TMEM156: variants seen among roughly 807,000 people sequenced by gnomAD.
TMEM156 encodes the protein transmembrane protein 156.
Under a neutral mutation model 30.5 loss-of-function variants are expected in TMEM156, and 28 were observed. That is an observed-to-expected ratio of 0.92 (90% CI 0.68 to 1.26). TMEM156 has a LOEUF of 1.26. Among genes scored for constraint, TMEM156 ranks in the 50% most tolerant of loss-of-function variants. The pLI is 0.00. For synonymous variants in TMEM156, 137 were observed against 119.9 expected (o/e 1.14, Z -0.93); for missense variants, 351 against 340.6 (o/e 1.03, Z -0.24).
chr4:38,967,692 T>G (rs1001036528), intron 6 of TMEM156, 51 bp from the exon 7 acceptor site: 1 of 152,258 alleles, frequency 6.6e-6, no homozygotes, highest in Non-Finnish European at 1.5e-5. Context: ...AAAATTTTGT[T>G]AAGTGTTACT....
chr4:39,022,217 T>C (rs1029527780), intron 1 of TMEM156, among the ~76,000 whole-genome samples: 3 of 152,366 alleles, frequency 2.0e-5, no homozygotes, highest in South Asian at 4.1e-4. Flanking sequence ...TATGGCCAAC[T>C]GTGTTTATAA....
rs1286389026 is a variant in TMEM156, at chr4:38,992,736, A to T, written c.619+1002T>A. On this transcript the variant is annotated intron_variant, in intron 3 of 6. Transcript: ENST00000381938. ...ATTATATATATATAATATATATATAATATATAATATATTATATATATATAT... is the reference window on the plus strand; with the variant it reads ...ATTATATATATATAATATATATATATTATATAATATATTATATATATATAT... 4.8e-4 allele frequency among the ~76,000 whole-genome samples: 26 copies of T among 54,576 alleles called. No homozygotes were observed. The East Asian group carries it at 0.011, about 23-fold the overall frequency. 35.8% of individuals were successfully genotyped at this position (54,576 alleles called of 152,430 possible).
At chr4:39,009,200 G>A (rs1187074753) in intron 1 of TMEM156, among the ~76,000 whole-genome samples, 1 of 151,922 alleles carries the variant, frequency 6.6e-6, no homozygotes, top group Non-Finnish European at 1.5e-5. Flanking sequence ...GAACCAGGAA[G>A]GAACAGAAAT....
intron 1 of TMEM156, among the ~76,000 whole-genome samples, chr4:39,006,597 G>A (rs942808150): frequency 4.6e-5 from 7 of 151,918 alleles, no homozygotes; most frequent in Non-Finnish European, 1.0e-4. Flanking sequence ...TGTTTTTAAA[G>A]TTTCGCCTTT....
At chr4:39,020,649 G>A (rs1490330771) in intron 1 of TMEM156, among the ~76,000 whole-genome samples, 10 of 151,868 alleles carry the variant, frequency 6.6e-5, no homozygotes, top group Non-Finnish European at 1.3e-4. Context: ...CCTCCCGTTC[G>A]AGCAATTCTC....
At chr4:39,029,481 G>T (rs1445036964) in intron 1 of TMEM156, among the ~76,000 whole-genome samples, 1 of 13,044 alleles carries the variant, frequency 7.7e-5, no homozygotes, top group Non-Finnish European at 1.3e-4. Flanking sequence ...TTGGGAGGCC[G>T]AGGCGGGCGG....
chr4:38,977,711 T>C (rs780523884), intron 5 of TMEM156, among the ~76,000 whole-genome samples: 18 of 152,236 alleles, frequency 1.2e-4, no homozygotes, highest in South Asian at 4.1e-4. Context: ...AAACAAACAT[T>C]TCTATGACTT....
At chr4:39,006,395 GAATT>G (rs1183156995) in intron 1 of TMEM156, among the ~76,000 whole-genome samples, 1 of 151,974 alleles carries the variant, frequency 6.6e-6, no homozygotes, top group Non-Finnish European at 1.5e-5. Context: ...AAATTTCAAT[GAATT>G]CTCTACATTT....
chr4:38,981,901 G>A (rs539792613), intron 5 of TMEM156, among the ~76,000 whole-genome samples: 3 of 152,300 alleles, frequency 2.0e-5, no homozygotes, highest in Admixed American at 6.5e-5. Flanking sequence ...TGGCTGACCC[G>A]TAGTCAGTAT....
intron 1 of TMEM156, among the ~76,000 whole-genome samples, chr4:39,004,586 T>C (rs1713598933): frequency 6.6e-6 from 1 of 152,126 alleles, no homozygotes; most frequent in Admixed American, 6.6e-5. Flanking sequence ...ATATGTATTC[T>C]GTGATTTGCT....
rs1715112583 is a variant in TMEM156 at position 39,025,077 on chromosome 4, G to A, written c.88+7149C>T. Among the ~76,000 whole-genome samples the A allele has an allele frequency of 2.0e-5, 3 of 152,142 alleles. No homozygotes were observed. In the South Asian group the frequency reaches 6.2e-4, roughly 32 times the overall value. ...TTAACAGTTGGAATAGGCCGGGTGCGGTGGCTCATGCCTGTAATCCCAGCA... is the reference window on the plus strand; with the variant it reads ...TTAACAGTTGGAATAGGCCGGGTGCAGTGGCTCATGCCTGTAATCCCAGCA... On this transcript the variant is annotated intron_variant, in intron 1 of 6. Coordinates refer to ENST00000381938, the MANE Select transcript of TMEM156 (RefSeq NM_024943.3).
chr4:39,029,225 TAA>T (rs1191773321), intron 1 of TMEM156, among the ~76,000 whole-genome samples: 2 of 151,910 alleles, frequency 1.3e-5, no homozygotes, highest in Non-Finnish European at 2.9e-5. Context: ...AATTTATAAG[TAA>T]AAATTATTTT....
chr4:39,005,651 G>T (rs1228204288), intron 1 of TMEM156, among the ~76,000 whole-genome samples: 1 of 152,130 alleles, frequency 6.6e-6, no homozygotes, highest in African/African-American at 2.4e-5. Flanking sequence ...AGGTACACTG[G>T]TGTGTACATT....
At chr4:38,969,951 T>G (rs1482875795) in intron 6 of TMEM156, among the ~76,000 whole-genome samples, 1 of 152,136 alleles carries the variant, frequency 6.6e-6, no homozygotes, top group Non-Finnish European at 1.5e-5. Context: ...GGAAGAGTAG[T>G]TCTATTTTAA....
At chr4:39,004,712 A>G (rs1337080251) in intron 1 of TMEM156, among the ~76,000 whole-genome samples, 1 of 152,170 alleles carries the variant, frequency 6.6e-6, no homozygotes, top group Non-Finnish European at 1.5e-5. Flanking sequence ...CTGACAGTGA[A>G]CATTTGTGTT....
chr4:38,978,566 C>T lies in TMEM156; in HGVS notation c.824-7429G>A, dbSNP rs142588067. On this transcript the variant is annotated intron_variant, in intron 5 of 6. Coordinates refer to ENST00000381938, the MANE Select transcript of TMEM156 (RefSeq NM_024943.3). ...GTTCAGGCAGTTCAAGGAGCAATTC[C>T]AGAGGGCCACCCATGATTTGGGGGT... Among the ~76,000 whole-genome samples, 81 of 152,268 alleles carry T rather than the reference C, an allele frequency of 5.3e-4. 1 individual carries two copies. The East Asian group carries it at 0.015, about 29-fold the overall frequency.
At chr4:39,007,174 T>C (rs2110008560) in intron 1 of TMEM156, among the ~76,000 whole-genome samples, 1 of 152,272 alleles carries the variant, frequency 6.6e-6, no homozygotes, top group South Asian at 2.1e-4. Flanking sequence ...TTTGCAAAGG[T>C]ATCATGCTGG....
chr4:38,979,795 C>G (rs1476215664), intron 5 of TMEM156, among the ~76,000 whole-genome samples: 3 of 152,236 alleles, frequency 2.0e-5, no homozygotes, highest in Non-Finnish European at 4.4e-5. Flanking sequence ...CAGGTCAAGA[C>G]AGCTGTGAAA....
At chr4:38,979,044 G>A (rs1392072720) in intron 5 of TMEM156, among the ~76,000 whole-genome samples, 1 of 152,248 alleles carries the variant, frequency 6.6e-6, no homozygotes, top group African/African-American at 2.4e-5. Flanking sequence ...CACATTTGCT[G>A]TCAGAAGTGT....
Sources: allele counts gnomAD v4.1 joint callset (sites outside exome capture counted in the v4.1 genomes callset), GRCh38; gene constraint gnomAD v4.1.1; transcripts MANE v1.5; gene names NCBI Gene and HGNC (gene_info 2026-07-23, HGNC 2026-07-21).